GRID1: variants seen among roughly 807,000 people sequenced by gnomAD.
The protein encoded by GRID1 is glutamate receptor ionotropic, delta-1.
In GRID1, 28 loss-of-function variants were observed where a neutral mutation model predicts 98.0. That is an observed-to-expected ratio of 0.29 (90% CI 0.21 to 0.39). GRID1 has a LOEUF of 0.39. Among genes scored for constraint, GRID1 ranks in the 10% least tolerant of loss-of-function variants. The pLI, the probability that GRID1 is intolerant of heterozygous loss-of-function variation, is 1.00. For synonymous variants in GRID1, 553 were observed against 538.5 expected (o/e 1.03, Z -0.37); for missense variants, 1,111 against 1,340.5 (o/e 0.83, Z 2.67).
chr10:86,005,672 T>C (rs1416683534), intron 4 of GRID1, among the ~76,000 whole-genome samples: 1 of 152,228 alleles, frequency 6.6e-6, no homozygotes, highest in Non-Finnish European at 1.5e-5. Context: ...GACTCCTTGA[T>C]GTCAGACAAC....
chr10:85,831,063 C>G (rs954819835), intron 8 of GRID1, among the ~76,000 whole-genome samples: 1 of 151,950 alleles, frequency 6.6e-6, no homozygotes, highest in African/African-American at 2.4e-5. Flanking sequence ...AACATTAATG[C>G]CCATCAATGG....
chr10:86,262,734 A>G (rs1317131190), intron 2 of GRID1, among the ~76,000 whole-genome samples: 1 of 152,194 alleles, frequency 6.6e-6, no homozygotes, highest in Non-Finnish European at 1.5e-5. Flanking sequence ...CACAAAACGC[A>G]AAGCCCTAAC....
intron 4 of GRID1, among the ~76,000 whole-genome samples, chr10:85,960,106 G>T (rs1486573994): frequency 6.6e-6 from 1 of 152,070 alleles, no homozygotes; most frequent in Non-Finnish European, 1.5e-5. Context: ...GACAGGGTTG[G>T]CCAGGCTGGT....
chr10:85,790,671 G>T (rs765306369), intron 8 of GRID1, among the ~76,000 whole-genome samples: 7 of 152,160 alleles, frequency 4.6e-5, no homozygotes, highest in Non-Finnish European at 8.8e-5. Flanking sequence ...CCAGGCCCTT[G>T]GTCCCCTCGC....
intron 6 of GRID1, among the ~76,000 whole-genome samples, chr10:85,863,139 G>A (rs769594607): frequency 6.6e-6 from 1 of 152,196 alleles, no homozygotes; most frequent in Non-Finnish European, 1.5e-5. Context: ...AACACAGACT[G>A]GGTGGCTTAT....
chr10:85,722,409 T>C (rs1434303388), intron 12 of GRID1, among the ~76,000 whole-genome samples: 1 of 152,204 alleles, frequency 6.6e-6, no homozygotes, highest in Admixed American at 6.5e-5. Flanking sequence ...ATTTACACTA[T>C]TTTTGGGAAT....
At chr10:85,603,203 A>G (rs558401713) in intron 15 of GRID1, among the ~76,000 whole-genome samples, 2 of 152,374 alleles carry the variant, frequency 1.3e-5, no homozygotes, top group South Asian at 4.1e-4. Flanking sequence ...TCAGAGTCAC[A>G]GGACCATCAG....
At chr10:86,296,863 G>A (rs1356265553) in intron 2 of GRID1, among the ~76,000 whole-genome samples, 1 of 151,786 alleles carries the variant, frequency 6.6e-6, no homozygotes, top group Non-Finnish European at 1.5e-5. Context: ...ATTCTACACA[G>A]GCAAAAATAC....
chr10:86,118,593 C>T (rs867108385), intron 4 of GRID1, among the ~76,000 whole-genome samples: 25 of 152,136 alleles, frequency 1.6e-4, no homozygotes, highest in African/African-American at 6.0e-4. Flanking sequence ...GTGTAGTTCT[C>T]CACTCTTTAA....
At chr10:85,868,757 C>G (rs1843247050) in intron 6 of GRID1, among the ~76,000 whole-genome samples, 1 of 152,218 alleles carries the variant, frequency 6.6e-6, no homozygotes, top group African/African-American at 2.4e-5. Flanking sequence ...TCTCTTTACC[C>G]TCTATGCATG....
chr10:85,874,075 T>G (rs531914831), intron 5 of GRID1, among the ~76,000 whole-genome samples: 30 of 152,356 alleles, frequency 2.0e-4, no homozygotes, highest in African/African-American at 7.2e-4. Context: ...TTACAAAGTT[T>G]CCATGTACAT....
intron 12 of GRID1, among the ~76,000 whole-genome samples, chr10:85,665,642 C>T (rs76765384): frequency 0.033 from 4,964 of 152,250 alleles, 128 homozygotes; most frequent in Middle Eastern, 0.048. Flanking sequence ...TAATTCCACC[C>T]CACCATCTTC....
intron 4 of GRID1, among the ~76,000 whole-genome samples, chr10:86,085,472 G>A (rs573909918): frequency 2.6e-4 from 40 of 152,286 alleles, no homozygotes; most frequent in African/African-American, 8.9e-4. Context: ...TGGTTGGGCC[G>A]GCTGAGACAT....
chr10:86,040,138 G>A (rs1589347583), intron 4 of GRID1, among the ~76,000 whole-genome samples: 1 of 152,156 alleles, frequency 6.6e-6, no homozygotes, highest in South Asian at 2.1e-4. Flanking sequence ...CTTATACACT[G>A]TTCATGGGAA....
intron 4 of GRID1, among the ~76,000 whole-genome samples, chr10:85,957,248 T>C (rs985729257): frequency 2.3e-4 from 35 of 152,132 alleles, no homozygotes; most frequent in African/African-American, 7.7e-4. Context: ...GCCAAAGCTA[T>C]AGGATGAAGC....
intron 2 of GRID1, among the ~76,000 whole-genome samples, chr10:86,286,102 A>G (rs1266923342): frequency 3.9e-5 from 6 of 152,186 alleles, no homozygotes; most frequent in Admixed American, 3.3e-4. Flanking sequence ...AGGTGTAGGT[A>G]TAAGTAGAGG....
chr10:86,166,127 A>G (rs1320831330), intron 3 of GRID1, among the ~76,000 whole-genome samples: 2 of 151,624 alleles, frequency 1.3e-5, no homozygotes, highest in African/African-American at 2.4e-5. Context: ...TTTTTTTATT[A>G]TTATACTTTA....
intron 2 of GRID1, among the ~76,000 whole-genome samples, chr10:86,264,969 G>A (rs148206531): frequency 6.6e-6 from 1 of 152,206 alleles, no homozygotes; most frequent in Admixed American, 6.5e-5. Context: ...GCCTGGATCA[G>A]CCAAGCAGGA....
chr10:86,343,459 T>C (rs998525453), intron 2 of GRID1, among the ~76,000 whole-genome samples: 3 of 152,232 alleles, frequency 2.0e-5, no homozygotes, highest in African/African-American at 7.2e-5. Flanking sequence ...TCTTGAGTTT[T>C]CTAAAATTAC....
Sources: gnomAD v4.1 joint callset for allele counts (sites outside exome capture counted in the v4.1 genomes callset) on GRCh38, gnomAD v4.1.1 for gene constraint, MANE v1.5 for transcripts, NCBI Gene and HGNC (gene_info 2026-07-23, HGNC 2026-07-21) for gene names.